The following DAB1 variants were observed in gnomAD, a reference collection of about 807,000 sequenced individuals.
The protein encoded by DAB1 is DAB adaptor protein 1.
Under a neutral mutation model 64.6 loss-of-function variants are expected in DAB1, and 15 were observed. The ratio of observed to expected loss-of-function variants is 0.23; its 90% CI spans 0.16 to 0.36. DAB1 has a LOEUF of 0.36. Among genes scored for constraint, DAB1 ranks in the 10% least tolerant of loss-of-function variants. The pLI is 1.00. For synonymous variants in DAB1, 235 were observed against 251.9 expected (o/e 0.93, Z 0.64); for missense variants, 596 against 706.7 (o/e 0.84, Z 1.78).
rs151079254 is a variant in DAB1, at chr1:57,524,537, T to C, written n.625+125055A>G. Among the ~76,000 whole-genome samples, 1,004 of 152,276 alleles carry C rather than the reference T, an allele frequency of 6.6e-3. 8 individuals are homozygous for C. Among genetic ancestry groups the C allele is most frequent in the African/African-American group, 0.023 (967 of 41,540 alleles). On this transcript the variant is annotated intron_variant and non_coding_transcript_variant, in intron 7 of 20. Transcript: ENST00000485760. ...GATTATCATTAGTTCTTACAGGTTT[T>C]GGGATAGGCGATGAAGTTAAGAGCA...
chr1:57,507,570 G>T (rs1644358213), intron 7 of DAB1, among the ~76,000 whole-genome samples: 1 of 152,126 alleles, frequency 6.6e-6, no homozygotes, highest in East Asian at 1.9e-4. Context: ...CCTGAACTGT[G>T]AGTCGAATCT....
intron 1 of DAB1, among the ~76,000 whole-genome samples, chr1:57,410,667 C>T (rs550436340): frequency 1.3e-5 from 2 of 152,310 alleles, no homozygotes; most frequent in African/African-American, 2.4e-5. Context: ...TCAAGACGTC[C>T]TTCTCCACTG....
intron 3 of DAB1, among the ~76,000 whole-genome samples, chr1:58,399,224 G>T (rs763838657): frequency 9.2e-5 from 14 of 152,192 alleles, no homozygotes; most frequent in Non-Finnish European, 1.5e-4. Flanking sequence ...ACAAAATAAT[G>T]CATTGTTTCT....
At chr1:57,793,837 G>C (rs1570596) in intron 6 of DAB1, among the ~76,000 whole-genome samples, 99,266 of 152,090 alleles carry the variant, frequency 0.65, 33,092 homozygotes, top group African/African-American at 0.79. Context: ...ACCTCACAAA[G>C]AGGCAGCCTT....
chr1:57,533,084 T>C (rs1365546101), intron 7 of DAB1, among the ~76,000 whole-genome samples: 2 of 152,102 alleles, frequency 1.3e-5, no homozygotes, highest in Admixed American at 1.3e-4. Flanking sequence ...CAAAGTTCTC[T>C]TTTATCATAT....
chr1:58,519,606 C>G (rs773294220), intron 2 of DAB1, among the ~76,000 whole-genome samples: 1 of 152,068 alleles, frequency 6.6e-6, no homozygotes, highest in Non-Finnish European at 1.5e-5. Context: ...TCAGAGCCAA[C>G]AGAACTGTTT....
intron 4 of DAB1, among the ~76,000 whole-genome samples, chr1:58,230,123 T>G (rs914355621): frequency 9.9e-5 from 15 of 152,272 alleles, no homozygotes; most frequent in African/African-American, 3.4e-4. Context: ...TCATTCCTTT[T>G]TCATTAAGTT....
rs1673080657 is a variant in DAB1 at position 57,295,093 on chromosome 1, A to G, written c.-136-3927T>C. On this transcript the variant is annotated intron_variant, in intron 1 of 14. Transcript: ENST00000371236. ...CAGGGGAGGGGCATAAGGTTGAGGA[A>G]CTGCTTAATGGGTATGGGGTCTTCT... Among the ~76,000 whole-genome samples, 4 of 152,130 alleles carry G rather than the reference A, an allele frequency of 2.6e-5. No individual in the cohort carries two copies. The South Asian group carries it at 8.3e-4, about 31-fold the overall frequency.
intron 9 of DAB1, chr1:57,033,254 A>T: frequency 1.1e-6 from 1 of 912,024 alleles, no homozygotes; most frequent in Non-Finnish European, 1.8e-6. Flanking sequence ...CTTCCTGGGG[A>T]CATTTGAATA....
chr1:57,246,784 C>T (rs1238240627), intron 2 of DAB1, among the ~76,000 whole-genome samples: 2 of 152,230 alleles, frequency 1.3e-5, no homozygotes, highest in Non-Finnish European at 2.9e-5. Flanking sequence ...GAGCCCACTC[C>T]TTGAATCAGT....
chr1:58,105,408 G>C (rs1407578761), intron 5 of DAB1, among the ~76,000 whole-genome samples: 1 of 152,148 alleles, frequency 6.6e-6, no homozygotes, highest in Non-Finnish European at 1.5e-5. Context: ...CCCATGTGCT[G>C]GGTGCCCGCA....
intron 1 of DAB1, among the ~76,000 whole-genome samples, chr1:57,857,946 A>C (rs573139826): frequency 1.1e-4 from 17 of 151,702 alleles, no homozygotes; most frequent in South Asian, 2.1e-4. Context: ...AAGAAAAAAA[A>C]AAAACAAAAC....
intron 4 of DAB1, among the ~76,000 whole-genome samples, chr1:57,081,315 T>G (rs1652533565): frequency 6.6e-6 from 1 of 152,198 alleles, no homozygotes; most frequent in Non-Finnish European, 1.5e-5. Context: ...CAACTGAGTT[T>G]AAGGTTCTCA....
chr1:57,485,044 C>A, intron 7 of DAB1, among the ~76,000 whole-genome samples: 1 of 152,208 alleles, frequency 6.6e-6, no homozygotes, highest in African/African-American at 2.4e-5. Context: ...CTGTAGGTAA[C>A]TCAATTCCTC....
chr1:57,535,915 C>T (rs1287111156), intron 7 of DAB1, among the ~76,000 whole-genome samples: 3 of 152,168 alleles, frequency 2.0e-5, no homozygotes, highest in Non-Finnish European at 4.4e-5. Context: ...AATGGGTATG[C>T]TCTGCTTGAC....
At chr1:57,031,612 T>G (rs949131147) in intron 9 of DAB1, among the ~76,000 whole-genome samples, 1 of 152,236 alleles carries the variant, frequency 6.6e-6, no homozygotes, top group Non-Finnish European at 1.5e-5. Context: ...GCAGCTGGGA[T>G]GGACTTGACC....
intron 14 of DAB1, among the ~76,000 whole-genome samples, chr1:57,000,121 G>A (rs1024883579): frequency 1.2e-4 from 18 of 144,614 alleles, no homozygotes; most frequent in African/African-American, 4.2e-4. Context: ...TCGGCTCACT[G>A]CAAGCTTGGC....
intron 3 of DAB1, among the ~76,000 whole-genome samples, chr1:58,385,981 A>G (rs1644429116): frequency 6.6e-6 from 1 of 152,214 alleles, no homozygotes; most frequent in Non-Finnish European, 1.5e-5. Flanking sequence ...AGCCAACTAC[A>G]TGGGAAAGGC....
intron 4 of DAB1, among the ~76,000 whole-genome samples, chr1:58,162,051 G>T (rs1025665446): frequency 2.6e-5 from 4 of 152,184 alleles, no homozygotes; most frequent in African/African-American, 9.7e-5. Flanking sequence ...GCTGAGACAG[G>T]TTATTTAGGG....
Sources: gnomAD v4.1 joint callset for allele counts (sites outside exome capture counted in the v4.1 genomes callset) on GRCh38, gnomAD v4.1.1 for gene constraint, MANE v1.5 for transcripts, NCBI Gene and HGNC (gene_info 2026-07-23, HGNC 2026-07-21) for gene names.